Variants in AGBL1 observed in about 807,000 individuals in gnomAD.
The protein encoded by AGBL1 is AGBL carboxypeptidase 1, also known as cytosolic carboxypeptidase 4.
Under a neutral mutation model 118.9 loss-of-function variants are expected in AGBL1, and 130 were observed. The ratio of observed to expected loss-of-function variants is 1.09; its 90% CI spans 0.95 to 1.26. AGBL1 has a LOEUF of 1.26. Ranked by LOEUF, AGBL1 falls within the 50% of genes most tolerant of loss-of-function variation. The pLI, the probability that AGBL1 is intolerant of heterozygous loss-of-function variation, is 0.00. For missense variants in AGBL1, 1,584 were observed against 1,298.1 expected (o/e 1.22, Z -3.38); for synonymous variants, 555 against 478.9 (o/e 1.16, Z -2.08).
chr15:86,137,974 T>A (rs2076911719), intron 1 of AGBL1, among the ~76,000 whole-genome samples: 1 of 152,196 alleles, frequency 6.6e-6, no homozygotes, highest in African/African-American at 2.4e-5. Flanking sequence ...AAAACAGAAG[T>A]ATAGAAGACA....
chr15:86,853,339 A>T (rs1450774293), intron 22 of AGBL1, among the ~76,000 whole-genome samples: 1 of 152,212 alleles, frequency 6.6e-6, no homozygotes. Flanking sequence ...CAATTAAGCA[A>T]GCAGTAGAGA....
intron 21 of AGBL1, among the ~76,000 whole-genome samples, chr15:86,563,822 G>C (rs1338206614): frequency 2.0e-5 from 3 of 152,096 alleles, no homozygotes; most frequent in Admixed American, 6.5e-5. Context: ...CTCCTGTATT[G>C]GGTGCATATA....
Position 86,215,217 on chromosome 15 carries a change from A to ATGTGTGTG in AGBL1, c.489-9694_489-9693insGTGTGTGT, listed in dbSNP as rs1360213607. 4.2e-3 allele frequency among the ~76,000 whole-genome samples: 536 copies of ATGTGTGTG among 128,246 alleles called. 4 individuals carry two copies. The highest frequency in any genetic ancestry group is 0.02 in the East Asian group (90 of 4,490). The allele number at this position is 128,246 out of a possible 152,430, so 84.1% of individuals were successfully genotyped here. Reference sequence around the variant, plus strand: ...GCTCTGTGTGTGTGTGTGAGTGTATATGTATGCGTGTGTGTGTGTGTGTGT... The same window carrying ATGTGTGTG: ...GCTCTGTGTGTGTGTGTGAGTGTATATGTGTGTGTGTATGCGTGTGTGTGTGTGTGTGT... On this transcript the variant is annotated intron_variant, in intron 5 of 22. Transcript: ENST00000614907.
intron 19 of AGBL1, among the ~76,000 whole-genome samples, chr15:86,535,033 T>A (rs772786313): frequency 4.6e-5 from 7 of 152,170 alleles, no homozygotes; most frequent in Non-Finnish European, 1.0e-4. Context: ...TTTACCTAAA[T>A]GCAGAAAATT....
At chr15:86,418,477 T>G (rs542373764) in intron 18 of AGBL1, among the ~76,000 whole-genome samples, 7 of 152,158 alleles carry the variant, frequency 4.6e-5, no homozygotes, top group Admixed American at 2.6e-4. Context: ...CAGGTGCTGG[T>G]TTTTATGAGT....
intron 18 of AGBL1, among the ~76,000 whole-genome samples, chr15:86,462,446 C>A (rs551053236): frequency 2.0e-5 from 3 of 151,824 alleles, no homozygotes; most frequent in Non-Finnish European, 2.9e-5. Flanking sequence ...TAAAAAAAAA[C>A]ACAAAAAACT....
rs576927103 is a variant in AGBL1, at chr15:86,928,322, C to T, written c.3222-59665C>T. ...CACAGAGAGAAGCAAAGGCAGAGAACACACAGCTCACGGTGGAAGGGACCA... is the reference window on the plus strand; with the variant it reads ...CACAGAGAGAAGCAAAGGCAGAGAATACACAGCTCACGGTGGAAGGGACCA... On this transcript the variant is annotated intron_variant, in intron 23 of 24. Transcript: ENST00000441037. 6.9e-4 allele frequency among the ~76,000 whole-genome samples: 105 copies of T among 152,292 alleles called. 1 individual carries two copies. Among genetic ancestry groups the T allele is most frequent in the Non-Finnish European group, 1.1e-3 (73 of 68,028 alleles).
intron 1 of AGBL1, chr15:86,088,382 AG>A (rs1895804599): frequency 6.6e-6 from 1 of 152,246 alleles, no homozygotes; most frequent in Non-Finnish European, 1.5e-5. Flanking sequence ...TCTGGGTGCA[AG>A]TCTTGGAGAA....
intron 19 of AGBL1, among the ~76,000 whole-genome samples, chr15:86,527,017 G>A (rs564199221): frequency 6.6e-6 from 1 of 152,094 alleles, no homozygotes; most frequent in East Asian, 1.9e-4. Context: ...CAAGAATACT[G>A]GTTCTACACT....
chr15:86,557,932 C>G (rs913954711), intron 21 of AGBL1, among the ~76,000 whole-genome samples: 2 of 151,960 alleles, frequency 1.3e-5, no homozygotes, highest in South Asian at 4.2e-4. Context: ...GATCAGATGC[C>G]ATTCTGAAAT....
At chr15:86,851,672 TAAAG>T (rs2079408631) in intron 22 of AGBL1, among the ~76,000 whole-genome samples, 1 of 152,010 alleles carries the variant, frequency 6.6e-6, no homozygotes. Context: ...GCTTGATAAA[TAAAG>T]AATCTGGGCC....
chr15:86,937,308 A>G (rs1176834259), intron 23 of AGBL1, among the ~76,000 whole-genome samples: 1 of 152,222 alleles, frequency 6.6e-6, no homozygotes, highest in Non-Finnish European at 1.5e-5. Flanking sequence ...CTGCGCATAT[A>G]TCCAGAGGAA....
At chr15:86,458,022 A>G (rs1172144158) in intron 18 of AGBL1, among the ~76,000 whole-genome samples, 2 of 151,808 alleles carry the variant, frequency 1.3e-5, no homozygotes, top group African/African-American at 2.4e-5. Flanking sequence ...ATAGGGAGAA[A>G]TGATTTTCCT....
Position 86,482,536 on chromosome 15 carries a change from C to G in AGBL1, c.2556-40274C>G, listed in dbSNP as rs144075164. The stretch of plus-strand genomic sequence containing the variant: ...TCCTCCTATTTCATCTGGTGACTTT[C>G]GATACCTATAATTGAAACAAACTGC... On this transcript the variant is annotated intron_variant, in intron 18 of 22. Transcript: ENST00000614907. 5.3e-5 allele frequency among the ~76,000 whole-genome samples: 8 copies of G among 152,002 alleles called. No homozygotes were observed. In the East Asian group the frequency reaches 1.4e-3, roughly 26 times the overall value.
chr15:86,569,653 G>T (rs2083973115), intron 21 of AGBL1, among the ~76,000 whole-genome samples: 1 of 152,074 alleles, frequency 6.6e-6, no homozygotes, highest in Non-Finnish European at 1.5e-5. Context: ...TCCTCATTCT[G>T]TTACCCTCAG....
intron 17 of AGBL1, among the ~76,000 whole-genome samples, chr15:86,325,139 G>A (rs1311854253): frequency 6.6e-6 from 1 of 152,196 alleles, no homozygotes. Context: ...GGCAGGATAG[G>A]ATGGAGGCCT....
rs146725732 is a variant in AGBL1, at chr15:86,615,341, T to C, written c.2995-58932T>C. 2.0e-3 allele frequency among the ~76,000 whole-genome samples: 310 copies of C among 152,234 alleles called. 1 individual carries two copies. Among genetic ancestry groups the C allele is most frequent in the South Asian group, 0.019 (89 of 4,810 alleles). On this transcript the variant is annotated intron_variant, in intron 21 of 22. Transcript: ENST00000614907. The surrounding 1 kb of genome is among the most constrained non-coding windows in gnomAD (Gnocchi z 4.3). Reference sequence around the variant, plus strand: ...AAGACTAGAGTGGAGGAATGGGATATGGGAACACATCTGAGAGCTCTTCAG... The same window carrying C: ...AAGACTAGAGTGGAGGAATGGGATACGGGAACACATCTGAGAGCTCTTCAG...
chr15:86,917,056 G>A (rs2080433735), downstream of AGBL1, among the ~76,000 whole-genome samples: 1 of 152,224 alleles, frequency 6.6e-6, no homozygotes, highest in Non-Finnish European at 1.5e-5. This position sits in a 1 kb window ranked among gnomAD's most constrained non-coding sequence, Gnocchi z 4.8. Flanking sequence ...GTGGGGCAGG[G>A]AAGAATCTAA....
intron 5 of AGBL1, among the ~76,000 whole-genome samples, chr15:86,220,519 G>T (rs897407572): frequency 6.6e-6 from 1 of 152,116 alleles, no homozygotes; most frequent in Non-Finnish European, 1.5e-5. Flanking sequence ...TTGAACTGTT[G>T]CAATTCTGTT....
Sources: allele counts gnomAD v4.1 joint callset (sites outside exome capture counted in the v4.1 genomes callset), GRCh38; gene constraint gnomAD v4.1.1; non-coding constraint Gnocchi (gnomAD v3.1); transcripts MANE v1.5; gene names NCBI Gene and HGNC (gene_info 2026-07-23, HGNC 2026-07-21).